Variants in AGPAT5 observed in about 807,000 individuals in gnomAD.
The protein encoded by AGPAT5 is 1-acyl-sn-glycerol-3-phosphate acyltransferase epsilon.
Under a neutral mutation model 45.6 loss-of-function variants are expected in AGPAT5, and 46 were observed. The ratio of observed to expected loss-of-function variants is 1.01; its 90% CI spans 0.80 to 1.29. The LOEUF (loss-of-function observed/expected upper bound fraction) is 1.29, where lower values mean the gene tolerates loss of function less well. Ranked by LOEUF, AGPAT5 falls within the 50% of genes most tolerant of loss-of-function variation. The probability of loss-of-function intolerance (pLI) is 0.00; values close to 1 mark genes in which losing one functional copy is unlikely to be tolerated. For missense variants in AGPAT5, 673 were observed against 450.7 expected (o/e 1.49, Z -4.47); for synonymous variants, 272 against 167.0 (o/e 1.63, Z -4.85).
Position 6,717,618 on chromosome 8 carries a change from A to G in AGPAT5, c.220-7252A>G, listed in dbSNP as rs576971842. Among the ~76,000 whole-genome samples, 39 of 152,358 alleles carry G rather than the reference A, an allele frequency of 2.6e-4. No homozygotes were observed. The South Asian group carries it at 5.4e-3, about 21-fold the overall frequency. ...ACTGAGGAAATAAAGGAGGAATACA[A>G]CTGTGTCCAAATGAATACTTAACTG... is the stretch of plus-strand genomic sequence containing the variant. On this transcript the variant is annotated intron_variant, in intron 1 of 7. Coordinates refer to ENST00000285518, the MANE Select transcript of AGPAT5 (RefSeq NM_018361.5).
At chr8:6,752,176 A>T (rs1224761758) in intron 6 of AGPAT5, among the ~76,000 whole-genome samples, 1 of 150,920 alleles carries the variant, frequency 6.6e-6, no homozygotes, top group Non-Finnish European at 1.5e-5. Flanking sequence ...GAATCCGCCT[A>T]AAAAAAAAGG....
chr8:6,736,103 C>T (rs993955117), intron 4 of AGPAT5, among the ~76,000 whole-genome samples: 4 of 152,282 alleles, frequency 2.6e-5, no homozygotes, highest in East Asian at 1.9e-4. Context: ...CCGCCCGCCT[C>T]GGCCCCCCAC....
chr8:6,750,242 T>C (rs929265612), intron 6 of AGPAT5, among the ~76,000 whole-genome samples: 2 of 152,180 alleles, frequency 1.3e-5, no homozygotes, highest in Non-Finnish European at 2.9e-5. Flanking sequence ...CCTTTCTCTC[T>C]TCCCAGCCGC....
chr8:6,734,171 C>A (rs911823472), intron 4 of AGPAT5, among the ~76,000 whole-genome samples: 3 of 152,068 alleles, frequency 2.0e-5, no homozygotes, highest in African/African-American at 7.2e-5. Context: ...ATTATTCCTA[C>A]CCCAGTCTTT....
At chr8:6,715,995 T>G (rs1800316497) in intron 1 of AGPAT5, among the ~76,000 whole-genome samples, 1 of 152,170 alleles carries the variant, frequency 6.6e-6, no homozygotes, top group Admixed American at 6.5e-5. Flanking sequence ...TTGGTTTCAT[T>G]CTAGTCTAGC....
In AGPAT5 at chr8:6,761,259, A is replaced by G. The variant is rs935309321; in HGVS notation, c.*3871A>G. On this transcript the variant is annotated 3_prime_UTR_variant, in exon 8 of 8. Coordinates refer to ENST00000285518, the MANE Select transcript of AGPAT5 (RefSeq NM_018361.5). Reference sequence around the variant, plus strand: ...GTTGATGAAACAGATCAGTTTTTCCATCCGGATTATTATTGGTTCATGATT... The same window carrying G: ...GTTGATGAAACAGATCAGTTTTTCCGTCCGGATTATTATTGGTTCATGATT... Among the ~76,000 whole-genome samples, 1 of 152,138 alleles carries G rather than the reference A, an allele frequency of 6.6e-6. No individual in the cohort carries two copies. The highest frequency in any genetic ancestry group is 2.4e-5 in the African/African-American group (1 of 41,464).
At chr8:6,732,120 C>T (rs1412054925) in intron 3 of AGPAT5, among the ~76,000 whole-genome samples, 2 of 152,184 alleles carry the variant, frequency 1.3e-5, no homozygotes, top group South Asian at 4.1e-4. Context: ...CTGTCCGTAA[C>T]AGTGCCACAT....
intron 6 of AGPAT5, among the ~76,000 whole-genome samples, chr8:6,754,786 A>G (rs1167423949): frequency 6.6e-6 from 1 of 152,128 alleles, no homozygotes; most frequent in Non-Finnish European, 1.5e-5. Context: ...GAAAAATAAC[A>G]TTTGGTACTA....
intron 1 of AGPAT5, among the ~76,000 whole-genome samples, chr8:6,715,363 T>C (rs1381017730): frequency 6.6e-6 from 1 of 152,058 alleles, no homozygotes; most frequent in Non-Finnish European, 1.5e-5. Context: ...AGAGTGGATG[T>C]TAAGATTGAA....
chr8:6,712,127 C>T lies in AGPAT5; in HGVS notation c.219+3240C>T, dbSNP rs188442218. ...CTTGCCTTATTTCTTTAGGTATTTA[C>T]GTATTAAAGCATTTTGGTCTCTGCT... On this transcript the variant is annotated intron_variant, in intron 1 of 7. Transcript: ENST00000285518. 3.9e-4 allele frequency among the ~76,000 whole-genome samples: 59 copies of T among 152,236 alleles called. 1 individual carries two copies. The Middle Eastern group carries it at 0.01, about 26-fold the overall frequency.
chr8:6,755,660 C>T (rs1229123014), intron 7 of AGPAT5, among the ~76,000 whole-genome samples: 2 of 152,186 alleles, frequency 1.3e-5, no homozygotes, highest in Non-Finnish European at 2.9e-5. Context: ...TCCAAAGTGT[C>T]TTCTGTGGTT....
chr8:6,733,816 T>A (rs1800948342), intron 4 of AGPAT5, among the ~76,000 whole-genome samples: 3 of 152,238 alleles, frequency 2.0e-5, no homozygotes, highest in Admixed American at 2.0e-4. Context: ...GTGGAGTTCC[T>A]TCTGTGTCCT....
chr8:6,719,485 C>T (rs2116866276), intron 1 of AGPAT5, among the ~76,000 whole-genome samples: 1 of 152,334 alleles, frequency 6.6e-6, no homozygotes. Flanking sequence ...CATCAAAATT[C>T]TGCATTCATA....
intron 4 of AGPAT5, among the ~76,000 whole-genome samples, chr8:6,735,683 A>G (rs1801026431): frequency 1.4e-5 from 1 of 71,738 alleles, no homozygotes; most frequent in South Asian, 3.7e-4. Context: ...ACAGCTTGTC[A>G]GTGTTGTTGT....
intron 1 of AGPAT5, among the ~76,000 whole-genome samples, chr8:6,713,879 AG>A (rs1474635321): frequency 1.3e-5 from 2 of 152,248 alleles, no homozygotes; most frequent in Non-Finnish European, 2.9e-5. Context: ...TCTCAGAAAC[AG>A]TCAAGGCTTT....
rs753041992 is a variant in AGPAT5, at chr8:6,708,794, G to A, written c.126G>A (p.Leu42=). ...TCTGGCGGCTGCTCTCCGCCTTCCT[G>A]CCCGCCCGCTTCTACCAAGCGCTGG... ...WGVWRLLSAF[L]PARFYQALDD... The change falls in exon 1 of 8, where the codon CTG becomes CTA. Residue 42 remains leucine (L), a synonymous_variant. Coordinates refer to ENST00000285518, the MANE Select transcript of AGPAT5 (RefSeq NM_018361.5). The A allele has an allele frequency of 1.9e-6, 3 of 1,610,220 alleles. No individual in the cohort carries two copies. The highest frequency in any genetic ancestry group is 1.1e-5 in the South Asian group (1 of 90,928).
chr8:6,747,769 C>A lies in AGPAT5; in HGVS notation c.686C>A (p.Thr229Lys). 1.2e-6 allele frequency: 2 copies of A among 1,614,076 alleles called. No individual in the cohort carries two copies. The highest frequency in any genetic ancestry group is 1.7e-6 in the Non-Finnish European group (2 of 1,180,002). The change falls in exon 6 of 8, where the codon ACG becomes AAG. Residue 229 changes from threonine (T) to lysine (K), a missense_variant. By Grantham distance (78) the Thr-to-Lys change is moderately conservative. Coordinates refer to ENST00000285518, the MANE Select transcript of AGPAT5 (RefSeq NM_018361.5). ...TATTTAGATGCAATTTATGATGTTA[C>A]GGTGGTTTATGAAGGGAAAGACGAT... ...KNYLDAIYDV[T>K]VVYEGKDDGG...
intron 1 of AGPAT5, among the ~76,000 whole-genome samples, chr8:6,722,575 C>T (rs1167442987): frequency 6.6e-6 from 1 of 152,112 alleles, no homozygotes; most frequent in African/African-American, 2.4e-5. Flanking sequence ...CGTATGACTA[C>T]CTGTTTTTAA....
intron 4 of AGPAT5, among the ~76,000 whole-genome samples, chr8:6,737,626 G>T (rs1801098120): frequency 6.6e-6 from 1 of 152,138 alleles, no homozygotes. Flanking sequence ...TAAAACTTAT[G>T]GCACAAACAT....
Sources: allele counts gnomAD v4.1 joint callset (sites outside exome capture counted in the v4.1 genomes callset), GRCh38; gene constraint gnomAD v4.1.1; transcripts MANE v1.5; gene names NCBI Gene and HGNC (gene_info 2026-07-23, HGNC 2026-07-21).